SPMIP11: variants seen among roughly 807,000 people sequenced by gnomAD.
SPMIP11 encodes the protein sperm microtubule inner protein 11.
chr12:48,741,324 T>A, the SPMIP11 span, among the ~76,000 whole-genome samples: 1 of 152,150 alleles, frequency 6.6e-6, no homozygotes, highest in Non-Finnish European at 1.5e-5. Flanking sequence ...GTGCTGGGAT[T>A]ACAGGCATGA....
the SPMIP11 span, among the ~76,000 whole-genome samples, chr12:48,742,419 T>C: frequency 6.6e-6 from 1 of 151,302 alleles, no homozygotes; most frequent in Non-Finnish European, 1.5e-5. Flanking sequence ...GTAGCTGGGA[T>C]AACAGGCGCC....
At chr12:48,769,962 C>T in the SPMIP11 span, among the ~76,000 whole-genome samples, 1 of 151,906 alleles carries the variant, frequency 6.6e-6, no homozygotes, top group African/African-American at 2.4e-5. Context: ...GGAATTTCAC[C>T]GTGTTAGTCA....
chr12:48,756,588 G>A, the SPMIP11 span, among the ~76,000 whole-genome samples: 7 of 152,112 alleles, frequency 4.6e-5, no homozygotes. Context: ...TGGCATCTCC[G>A]CACTCCACCA....
At chr12:48,748,722 A>T in the SPMIP11 span, among the ~76,000 whole-genome samples, 2 of 152,090 alleles carry the variant, frequency 1.3e-5, no homozygotes, top group South Asian at 4.1e-4. Context: ...TCACATAATG[A>T]GTTGCCTTCT....
the SPMIP11 span, among the ~76,000 whole-genome samples, chr12:48,749,151 A>G: frequency 6.6e-6 from 1 of 151,824 alleles, no homozygotes; most frequent in Non-Finnish European, 1.5e-5. Context: ...AGTCCTAGCT[A>G]CTTGGGAGGC....
At chr12:48,738,085 A>G in the SPMIP11 span, among the ~76,000 whole-genome samples, 1 of 151,964 alleles carries the variant, frequency 6.6e-6, no homozygotes, top group Admixed American at 6.6e-5. Flanking sequence ...TTGGCCTCCC[A>G]AAGTGCTGGG....
chr12:48,754,132 G>T, the SPMIP11 span, among the ~76,000 whole-genome samples: 1 of 152,272 alleles, frequency 6.6e-6, no homozygotes, highest in South Asian at 2.1e-4. Flanking sequence ...AGAGTGTGAT[G>T]GCTCATGCCT....
At chr12:48,733,764 CTT>C in the SPMIP11 span, among the ~76,000 whole-genome samples, 925 of 82,848 alleles carry the variant, frequency 0.011, 8 homozygotes, top group African/African-American at 0.039. Flanking sequence ...AATGCAGATT[CTT>C]TTTTTTTTTT....
chr12:48,737,668 G>A, the SPMIP11 span, among the ~76,000 whole-genome samples: 1 of 151,940 alleles, frequency 6.6e-6, no homozygotes, highest in Non-Finnish European at 1.5e-5. Context: ...ACCCGCCTCG[G>A]CCTCCCAAAG....
At chr12:48,761,264 T>C in the SPMIP11 span, among the ~76,000 whole-genome samples, 7 of 151,932 alleles carry the variant, frequency 4.6e-5, no homozygotes, top group African/African-American at 1.7e-4. Context: ...CTGTCCAACA[T>C]GGCGAAACCC....
chr12:48,751,736 A>G, the SPMIP11 span, among the ~76,000 whole-genome samples: 119 of 150,184 alleles, frequency 7.9e-4, no homozygotes, highest in African/African-American at 2.3e-3. Context: ...GCCTTATTGT[A>G]GAGACTTATT....
At chr12:48,736,241 C>G in the SPMIP11 span, 2 of 322,408 alleles carry the variant, frequency 6.2e-6, no homozygotes, top group Non-Finnish European at 1.2e-5. Context: ...TCGTCTCTAC[C>G]CCGCAAAAAA....
the SPMIP11 span, among the ~76,000 whole-genome samples, chr12:48,752,078 AAC>A: frequency 1.9e-4 from 28 of 151,088 alleles, 2 homozygotes; most frequent in African/African-American, 5.1e-4. Context: ...AAAAAAAAAA[AAC>A]AAACAAACAA....
the SPMIP11 span, among the ~76,000 whole-genome samples, chr12:48,763,930 G>A: frequency 3.3e-5 from 5 of 151,208 alleles, no homozygotes; most frequent in East Asian, 2.0e-4. Flanking sequence ...CACCTGCCTC[G>A]GCCTCTAAAA....
the SPMIP11 span, among the ~76,000 whole-genome samples, chr12:48,756,237 A>C: frequency 6.6e-6 from 1 of 151,924 alleles, no homozygotes; most frequent in East Asian, 1.9e-4. Flanking sequence ...ACCTTGCCCA[A>C]ATTCAAATAC....
chr12:48,737,145 C>T, the SPMIP11 span, among the ~76,000 whole-genome samples: 1 of 151,758 alleles, frequency 6.6e-6, no homozygotes, highest in Non-Finnish European at 1.5e-5. Flanking sequence ...GAGATGGGGT[C>T]TTGCCATGTT....
chr12:48,750,621 G>A, the SPMIP11 span, among the ~76,000 whole-genome samples: 2 of 152,086 alleles, frequency 1.3e-5, no homozygotes, highest in Admixed American at 1.3e-4. Context: ...AATTCACAAC[G>A]TGGGGCAGGG....
the SPMIP11 span, chr12:48,770,836 G>A: frequency 4.2e-5 from 68 of 1,614,144 alleles, 1 homozygote; most frequent in East Asian, 1.6e-4. Flanking sequence ...GCCGCATGGC[G>A]TAGTCAGCCA....
the SPMIP11 span, among the ~76,000 whole-genome samples, chr12:48,770,156 G>A: frequency 1.1e-4 from 17 of 148,934 alleles, no homozygotes; most frequent in Admixed American, 3.4e-4. Flanking sequence ...TGCCCACCTC[G>A]GCTTCCCAAA....
Sources: gnomAD v4.1 joint callset for allele counts (sites outside exome capture counted in the v4.1 genomes callset) on GRCh38, gnomAD v4.1.1 for gene constraint, MANE v1.5 for transcripts, NCBI Gene and HGNC (gene_info 2026-07-23, HGNC 2026-07-21) for gene names.